The following SPIRE1 variants were observed in gnomAD, a reference collection of about 807,000 sequenced individuals.
The protein encoded by SPIRE1 is spire type actin nucleation factor 1, also known as protein spire homolog 1.
In SPIRE1, 40 loss-of-function variants were observed where a neutral mutation model predicts 94.1. The observed-to-expected ratio is 0.43, with a 90% CI of 0.33 to 0.55. The LOEUF is 0.55. SPIRE1 is among the 20% of genes least tolerant of loss of function. The pLI, the probability that SPIRE1 is intolerant of heterozygous loss-of-function variation, is 0.06. For missense variants in SPIRE1, 838 were observed against 975.2 expected (o/e 0.86, Z 1.87); for synonymous variants, 376 against 371.7 (o/e 1.01, Z -0.13).
intron 1 of SPIRE1, among the ~76,000 whole-genome samples, chr18:12,635,363 C>CAGAT (rs1377922115): frequency 2.6e-5 from 4 of 152,098 alleles, no homozygotes; most frequent in Non-Finnish European, 4.4e-5. Flanking sequence ...ATATTTAATA[C>CAGAT]AGATATATAA....
chr18:12,622,935 C>T (rs1262420973), intron 2 of SPIRE1, among the ~76,000 whole-genome samples: 4 of 152,190 alleles, frequency 2.6e-5, no homozygotes, highest in African/African-American at 7.2e-5. Flanking sequence ...CTCAGCCTGG[C>T]TAACTCCTTC....
chr18:12,627,111 A>G (rs985040115), intron 2 of SPIRE1, among the ~76,000 whole-genome samples: 1 of 152,020 alleles, frequency 6.6e-6, no homozygotes, highest in African/African-American at 2.4e-5. Flanking sequence ...TCTAGGGTAC[A>G]TGCGCACAAT....
intron 2 of SPIRE1, among the ~76,000 whole-genome samples, chr18:12,607,262 GTA>G (rs1338474155): frequency 6.6e-6 from 1 of 152,038 alleles, no homozygotes; most frequent in African/African-American, 2.4e-5. Context: ...AATTTCCCTT[GTA>G]TCTTACACGT....
In SPIRE1 at chr18:12,653,946, CA is replaced by C. The variant is rs548852325; in HGVS notation, c.337+3583del. Among the ~76,000 whole-genome samples the C allele has an allele frequency of 1.7e-3, 208 of 120,682 alleles. 4 individuals carry two copies. The East Asian group carries it at 0.02, about 12-fold the overall frequency. The allele number at this position is 120,682 out of a possible 152,430, so 79.2% of individuals were successfully genotyped here. A position where few individuals can be genotyped will look rare whatever the true frequency, so the allele number is the denominator to read the frequency against. ...GGGCAACAAGAGCAAAACTCCGTCT[CA>C]AAAAAAAAAAAGAAAGAAAGAAACA... On this transcript the variant is annotated intron_variant, in intron 1 of 16. Coordinates refer to ENST00000409402, the MANE Select transcript of SPIRE1 (RefSeq NM_001128626.2).
Position 12,493,112 on chromosome 18 carries a change from C to A in SPIRE1, c.1149G>T (p.Leu383=), listed in dbSNP as rs1169412526. The change falls in exon 8 of 17, where the codon CTG becomes CTT. Residue 383 remains leucine (L), a synonymous_variant. Coordinates refer to ENST00000409402, the MANE Select transcript of SPIRE1 (RefSeq NM_001128626.2). The part of the protein sequence containing the change: ...ILEEIKAERK[L]RPVSPEEIRR... ...TAATCTCCTCTGGTGATACAGGCCG[C>A]AGCTTTCTTTCTGCTTTAATTTCTT... 1 of 1,613,518 alleles carries A rather than the reference C, an allele frequency of 6.2e-7. No individual in the cohort carries two copies. The highest frequency in any genetic ancestry group is 1.1e-5 in the South Asian group (1 of 91,056).
intron 2 of SPIRE1, among the ~76,000 whole-genome samples, chr18:12,549,492 A>T (rs1303856880): frequency 1.8e-5 from 2 of 109,618 alleles, no homozygotes; most frequent in Non-Finnish European, 3.3e-5. Flanking sequence ...TTGCTCTGTC[A>T]CCAGGCTGGA....
At chr18:12,621,167 A>G (rs1567972674) in intron 2 of SPIRE1, among the ~76,000 whole-genome samples, 2 of 152,208 alleles carry the variant, frequency 1.3e-5, no homozygotes, top group Non-Finnish European at 2.9e-5. Context: ...GTAAAGCAAA[A>G]CCACATGAAA....
chr18:12,457,990 G>A lies in SPIRE1; in HGVS notation c.1639-3507C>T, dbSNP rs184452282. 2.5e-3 allele frequency among the ~76,000 whole-genome samples: 383 copies of A among 151,162 alleles called. 6 individuals are homozygous for A. The highest frequency in any genetic ancestry group is 9.0e-3 in the African/African-American group (370 of 41,320). On this transcript the variant is annotated intron_variant, in intron 12 of 16. Transcript: ENST00000409402. ...CTCCTGAGTAGCTGGGACGACAGGC[G>A]CCCGCCACTGAGCCCAGCTAATTTT...
rs1399109185 is a variant in SPIRE1, at chr18:12,603,260, C to A, written c.372+31802G>T. 2.0e-5 allele frequency among the ~76,000 whole-genome samples: 3 copies of A among 152,148 alleles called. No individual in the cohort carries two copies. In the East Asian group the frequency reaches 5.8e-4, roughly 29 times the overall value. ...TTACTAAATGTTTATCACTTCTACA[C>A]CATCATAAAGTCGAAAAATCTTAAC... On this transcript the variant is annotated intron_variant, in intron 2 of 16. Coordinates refer to ENST00000409402, the MANE Select transcript of SPIRE1 (RefSeq NM_001128626.2).
intron 8 of SPIRE1, among the ~76,000 whole-genome samples, chr18:12,491,632 C>T (rs1230497059): frequency 1.3e-5 from 2 of 152,096 alleles, no homozygotes; most frequent in African/African-American, 2.4e-5. Context: ...CCAGAAAGTA[C>T]ATTTAATTAT....
chr18:12,590,786 G>T (rs1427787439), intron 2 of SPIRE1, among the ~76,000 whole-genome samples: 2 of 152,206 alleles, frequency 1.3e-5, no homozygotes, highest in Non-Finnish European at 2.9e-5. Flanking sequence ...GTTGGCAGGA[G>T]AGGCACCTTT....
chr18:12,526,704 T>TG (rs1369471512), intron 4 of SPIRE1, among the ~76,000 whole-genome samples: 2 of 150,752 alleles, frequency 1.3e-5, no homozygotes, highest in African/African-American at 4.8e-5. Context: ...GACATTTTAT[T>TG]TTTTTTAATT....
chr18:12,483,930 G>A (rs1037638187), intron 9 of SPIRE1, among the ~76,000 whole-genome samples: 10 of 152,120 alleles, frequency 6.6e-5, no homozygotes, highest in African/African-American at 2.2e-4. Context: ...AGAAAATCAC[G>A]AAGTACATGA....
intron 1 of SPIRE1, among the ~76,000 whole-genome samples, chr18:12,645,440 T>A (rs922506881): frequency 2.0e-5 from 3 of 152,158 alleles, no homozygotes; most frequent in Non-Finnish European, 4.4e-5. Flanking sequence ...AGGCAAGAAG[T>A]CAGAGCCTTT....
At chr18:12,560,545 A>C (rs887967256) in intron 2 of SPIRE1, among the ~76,000 whole-genome samples, 1 of 152,082 alleles carries the variant, frequency 6.6e-6, no homozygotes, top group Non-Finnish European at 1.5e-5. Flanking sequence ...AAACAATTGA[A>C]CTTCTGGAGA....
Position 12,526,750 on chromosome 18 carries a change from G to A in SPIRE1, c.729+8726C>T, listed in dbSNP as rs140966126. Among the ~76,000 whole-genome samples the A allele has an allele frequency of 1.1e-3, 166 of 151,338 alleles. 1 individual carries two copies. The highest frequency in any genetic ancestry group is 6.4e-3 in the East Asian group (33 of 5,134). ...TTTGAGAGGAGTCTCACTCACTGTC[G>A]CCAGGCTGGAGTGCAGTGGCATGAT... is the stretch of plus-strand genomic sequence containing the variant. On this transcript the variant is annotated intron_variant, in intron 4 of 16. Transcript: ENST00000409402.
chr18:12,654,384 C>T (rs200683597), intron 1 of SPIRE1, among the ~76,000 whole-genome samples: 1 of 148,952 alleles, frequency 6.7e-6, no homozygotes, highest in African/African-American at 2.5e-5. Flanking sequence ...CGGTGGCTCA[C>T]GCCTGTAATC....
intron 3 of SPIRE1, among the ~76,000 whole-genome samples, chr18:12,544,533 C>T (rs1012984886): frequency 7.6e-5 from 11 of 144,150 alleles, no homozygotes; most frequent in Non-Finnish European, 1.5e-4. Flanking sequence ...TAAATAGAGA[C>T]GAGGTCTCAC....
At chr18:12,644,885 T>G (rs2038180684) in intron 1 of SPIRE1, among the ~76,000 whole-genome samples, 2 of 152,182 alleles carry the variant, frequency 1.3e-5, no homozygotes, top group African/African-American at 4.8e-5. Flanking sequence ...ATTTCTTCAT[T>G]TGAGTCTCAT....
Sources: allele counts gnomAD v4.1 joint callset (sites outside exome capture counted in the v4.1 genomes callset), GRCh38; gene constraint gnomAD v4.1.1; transcripts MANE v1.5; gene names NCBI Gene and HGNC (gene_info 2026-07-23, HGNC 2026-07-21).